The following FBXO24 variants were observed in gnomAD, a reference collection of about 807,000 sequenced individuals.
FBXO24 encodes F-box protein 24, also known as F-box only protein 24.
FBXO24 carries 30 observed loss-of-function variants against 63.5 expected under a neutral mutation model. The observed-to-expected ratio is 0.47, with a 90% confidence interval of 0.35 to 0.64. The LOEUF (loss-of-function observed/expected upper bound fraction) is 0.64, where lower values mean the gene tolerates loss of function less well. Among genes scored for constraint, FBXO24 ranks in the 30% least tolerant of loss-of-function variants. FBXO24 has a pLI of 0.00. For missense variants in FBXO24, 624 were observed against 763.4 expected, an observed-to-expected ratio of 0.82 and a Z score of 2.15; for synonymous variants, 300 against 305.0, an observed-to-expected ratio of 0.98 and a Z score of 0.17.
Position 100,600,542 on chromosome 7 carries a change from G to C in FBXO24, c.1386G>C (p.Leu462=). Residue 462 remains leucine, a synonymous_variant, in exon 10 of 10, where the codon CTG becomes CTC. Coordinates refer to ENST00000241071, the MANE Select transcript of FBXO24 (RefSeq NM_033506.3). This position sits in a 1 kb window ranked among gnomAD's most constrained non-coding sequence, Gnocchi z 6.3. ...TTCTCTCCTCCTCCAAGGTCCCTCT[G>C]TGTGCCTGTGCCCTCTGTGCCACCA... ...SFVKLQVKVP[L]CACALCATRE... 6.4e-7 allele frequency: 1 copy of C among 1,557,784 alleles called. No homozygotes were observed. The highest frequency in any genetic ancestry group is 2.3e-5 in the East Asian group (1 of 44,390).
At chr7:100,598,989 A>AT (rs1165641238) in intron 8 of FBXO24, among the ~76,000 whole-genome samples, 1 of 152,188 alleles carries the variant, frequency 6.6e-6, no homozygotes, top group Non-Finnish European at 1.5e-5. Context: ...TACAAAAAAA[A>AT]AAAAAATGCT....
At chr7:100,598,247 A>G (rs1802407015) in intron 8 of FBXO24, among the ~76,000 whole-genome samples, 1 of 152,218 alleles carries the variant, frequency 6.6e-6, no homozygotes, top group Non-Finnish European at 1.5e-5. Flanking sequence ...TGTTTAGCCA[A>G]CAGTGAAGAA....
At chr7:100,593,218 G>A in intron 5 of FBXO24, 1 of 537,404 alleles carries the variant, frequency 1.9e-6, no homozygotes, top group Non-Finnish European at 3.3e-6. Context: ...GCCCTGTCCA[G>A]GTGTGGTGGC....
chr7:100,596,946 G>T (rs1393367026), intron 8 of FBXO24, among the ~76,000 whole-genome samples: 3 of 152,130 alleles, frequency 2.0e-5, no homozygotes, highest in Non-Finnish European at 4.4e-5. Flanking sequence ...GGAGTCTGAG[G>T]CACGAGAATT....
In FBXO24 at chr7:100,600,680, A is replaced by AC. The variant is rs1802560330; in HGVS notation, c.1528dup (p.Gln510ProfsTer58). On this transcript the variant is annotated frameshift_variant, in exon 10 of 10. Coordinates refer to ENST00000241071, the MANE Select transcript of FBXO24 (RefSeq NM_033506.3). LOFTEE classifies it high-confidence loss of function. The surrounding 1 kb of genome is among the most constrained non-coding windows in gnomAD (Gnocchi z 6.3). ...CTGAGCCCAGCCTGGGGGCCAGAGC[A>AC]CCCCAGGACCCCGGGGGGATGGCCC... 6.2e-7 allele frequency: 1 copy of AC among 1,613,904 alleles called. No individual in the cohort carries two copies. Among genetic ancestry groups the AC allele is most frequent in the Admixed American group, 1.7e-5 (1 of 60,012 alleles).
intron 3 of FBXO24, 96 bp downstream of exon 3, chr7:100,590,453 A>C: frequency 7.8e-7 from 1 of 1,284,448 alleles, no homozygotes; most frequent in Middle Eastern, 2.8e-4. Context: ...CACTCCCAAC[A>C]GTGCTTCCAG....
At chr7:100,593,813 A>C (rs1032182183) in intron 5 of FBXO24, among the ~76,000 whole-genome samples, 3 of 151,514 alleles carry the variant, frequency 2.0e-5, no homozygotes, top group African/African-American at 7.3e-5. Flanking sequence ...AAAAAAAAAA[A>C]AAAAAAATCA....
chr7:100,587,588 C>T (rs1801817476), intron 1 of FBXO24, among the ~76,000 whole-genome samples: 2 of 147,794 alleles, frequency 1.4e-5, no homozygotes, highest in African/African-American at 2.5e-5. Flanking sequence ...CAGGCGTGAG[C>T]CACCGCGCCC....
chr7:100,586,458 C>A lies in FBXO24; in HGVS notation c.-168C>A. 2 of 715,212 alleles carry A rather than the reference C, an allele frequency of 2.8e-6. No individual in the cohort carries two copies. The highest frequency in any genetic ancestry group is 1.7e-5 in the South Asian group (1 of 59,442). The allele number at this position is 715,212 out of a possible 1,614,324, so 44.3% of individuals were successfully genotyped here. A position where few individuals can be genotyped will look rare whatever the true frequency, so the allele number is the denominator to read the frequency against. The stretch of plus-strand genomic sequence containing the variant: ...GGAGGGGACACCGGCACTCCACTAG[C>A]AGGAAAACGGGCCGAGGGACCGCAA... On this transcript the variant is annotated 5_prime_UTR_variant, in exon 1 of 10. Coordinates refer to ENST00000241071, the MANE Select transcript of FBXO24 (RefSeq NM_033506.3).
Position 100,600,603 on chromosome 7 carries a change from G to A in FBXO24, c.1447G>A (p.Glu483Lys), listed in dbSNP as rs759043643. 9 of 1,612,200 alleles carry A rather than the reference G, an allele frequency of 5.6e-6. No homozygotes were observed. Among genetic ancestry groups the A allele is most frequent in the Non-Finnish European group, 7.6e-6 (9 of 1,178,976 alleles). The change falls in exon 10 of 10, where the codon GAG becomes AAG. Residue 483 changes from glutamate to lysine, a missense_variant. Glu to Lys is a moderately conservative substitution (Grantham distance 56). Around this residue, in one of 3 missense-constraint regions of FBXO24, gnomAD observed 216 missense variants for 245.2 expected, o/e 0.88. Coordinates refer to ENST00000241071, the MANE Select transcript of FBXO24 (RefSeq NM_033506.3). This position sits in a 1 kb window ranked among gnomAD's most constrained non-coding sequence, Gnocchi z 6.3. ...ATACATCCTGTCCAGCCACGACATT[G>A]AGCAGCACGCCCCCTATCGCCACCT... ...CLYILSSHDI[E>K]QHAPYRHLPA... is the part of the protein sequence containing the mutation.
At chr7:100,595,387 A>G (rs1021882981) in intron 7 of FBXO24, among the ~76,000 whole-genome samples, 164 bp downstream of exon 7, 2 of 152,032 alleles carry the variant, frequency 1.3e-5, no homozygotes, top group Non-Finnish European at 2.9e-5. Context: ...AGGGAGGCTG[A>G]GGAGGGAGTA....
Position 100,600,616 on chromosome 7 carries a change from C to T in FBXO24, c.1460C>T (p.Pro487Leu). Residue 487 changes from proline to leucine, a missense_variant, in exon 10 of 10, where the codon CCC becomes CTC. By Grantham distance (98) the Pro-to-Leu change is moderately conservative. Coordinates refer to ENST00000241071, the MANE Select transcript of FBXO24 (RefSeq NM_033506.3). The surrounding 1 kb of genome is among the most constrained non-coding windows in gnomAD (Gnocchi z 6.3). ...LSSHDIEQHAPYRHLPASRVV... is the reference protein window; with the variant it reads ...LSSHDIEQHALYRHLPASRVV... The stretch of plus-strand genomic sequence containing the variant: ...AGCCACGACATTGAGCAGCACGCCC[C>T]CTATCGCCACCTGCCAGCCAGCAGG... 1.2e-6 allele frequency: 2 copies of T among 1,613,608 alleles called. No individual in the cohort carries two copies. The highest frequency in any genetic ancestry group is 1.7e-6 in the Non-Finnish European group (2 of 1,179,692).
At chr7:100,592,362 A>T (rs560528631) in intron 4 of FBXO24, 2 of 242,058 alleles carry the variant, frequency 8.3e-6, no homozygotes, top group Non-Finnish European at 1.6e-5. Context: ...ACTTACAATC[A>T]TGGCAGAAGG....
At chr7:100,592,081 G>A (rs867432011) in intron 4 of FBXO24, 179 bp downstream of exon 4, 23 of 588,242 alleles carry the variant, frequency 3.9e-5, no homozygotes, top group African/African-American at 1.9e-4. Flanking sequence ...GCCAAATGGC[G>A]AAACCCGTCT....
rs200677154 is a variant in FBXO24 at position 100,594,354 on chromosome 7, C to A, written c.794-29C>A. The A allele has an allele frequency of 4.2e-5, 68 of 1,608,622 alleles. No individual in the cohort carries two copies. Among genetic ancestry groups the A allele is most frequent in the Non-Finnish European group, 5.5e-5 (65 of 1,177,746 alleles). Reference sequence around the variant, plus strand: ...TTATGTGGATATTGGAGAATCCCCTCCCCAACTAATTGCTTCCCCTACCCC... The same window carrying A: ...TTATGTGGATATTGGAGAATCCCCTACCCAACTAATTGCTTCCCCTACCCC... On this transcript the variant is annotated intron_variant, in intron 5 of 9. Transcript: ENST00000241071. This position sits in a 1 kb window ranked among gnomAD's most constrained non-coding sequence, Gnocchi z 4.2.
chr7:100,595,462 A>G, intron 7 of FBXO24, 113 bp from the exon 8 acceptor site: 13 of 1,332,440 alleles, frequency 9.8e-6, no homozygotes, highest in South Asian at 1.5e-5. Context: ...TCTAAAATAT[A>G]TATATAGAAA....
chr7:100,598,845 G>T (rs140459784), intron 8 of FBXO24, among the ~76,000 whole-genome samples: 3 of 151,884 alleles, frequency 2.0e-5, no homozygotes, highest in Admixed American at 6.6e-5. Context: ...CAGGTGTGGC[G>T]GTGTGCACCC....
chr7:100,589,489 T>C, intron 1 of FBXO24: 1 of 1,297,646 alleles, frequency 7.7e-7, no homozygotes, highest in Non-Finnish European at 9.8e-7. Context: ...CCAGGAGCTG[T>C]CTAAGAGATG....
In FBXO24 at chr7:100,591,617, C is replaced by T. The variant is rs769095215; in HGVS notation, c.323-50C>T. ...AATCTACCCAAGCTCCAACTCATCT[C>T]CCTCGTGTCATCTCATCCCTTGAAC... is the stretch of plus-strand genomic sequence containing the variant. On this transcript the variant is annotated intron_variant, in intron 3 of 9. Coordinates refer to ENST00000241071, the MANE Select transcript of FBXO24 (RefSeq NM_033506.3). The T allele has an allele frequency of 9.0e-6, 14 of 1,562,120 alleles. No homozygotes were observed. In the South Asian group the frequency reaches 1.3e-4, roughly 15 times the overall value.
Sources: gnomAD v4.1 joint callset for allele counts (sites outside exome capture counted in the v4.1 genomes callset) on GRCh38, gnomAD v4.1.1 for gene constraint, gnomAD v4.1.1 regional missense constraint, Gnocchi (gnomAD v3.1) non-coding constraint, MANE v1.5 for transcripts, NCBI Gene and HGNC (gene_info 2026-07-23, HGNC 2026-07-21) for gene names.